DOK1: variants seen among roughly 807,000 people sequenced by gnomAD.
DOK1 encodes Downstream of tyrosine kinase 1.
A neutral mutation model predicts 24.0 loss-of-function variants in DOK1; 12 were observed. The observed-to-expected ratio is 0.50, with a 90% CI of 0.32 to 0.81. DOK1 has a LOEUF of 0.81. Among genes scored for constraint, DOK1 ranks in the 30% least tolerant of loss-of-function variants. DOK1 has a pLI of 0.03. For synonymous variants in DOK1, 250 were observed against 260.9 expected (o/e 0.96, Z 0.40); for missense variants, 591 against 620.7 (o/e 0.95, Z 0.51).
At chr2:74,553,346 C>T (rs1209861632), upstream of DOK1, among the ~76,000 whole-genome samples, 1 of 152,216 alleles carries the variant, frequency 6.6e-6, no homozygotes, top group Non-Finnish European at 1.5e-5. Context: ...TGCACGCCCT[C>T]CCCAACACGC....
upstream of DOK1, among the ~76,000 whole-genome samples, chr2:74,551,989 C>G (rs1182706142): frequency 1.3e-5 from 2 of 152,264 alleles, no homozygotes; most frequent in Non-Finnish European, 2.9e-5. Flanking sequence ...TCCCATGAGA[C>G]TAACTGTACT....
Position 74,555,263 on chromosome 2 carries a change from C to T in DOK1, c.170C>T (p.Ser57Leu), listed in dbSNP as rs1677351165. 6.2e-7 allele frequency: 1 copy of T among 1,613,958 alleles called. No individual in the cohort carries two copies. Among genetic ancestry groups the T allele is most frequent in the South Asian group, 1.1e-5 (1 of 91,090 alleles). The change falls in exon 2 of 5, where the codon TCG (serine) becomes TTG (leucine). Residue 57 changes from serine (S) to leucine (L), a missense_variant. Physicochemically the swap from Ser to Leu is moderately radical, Grantham distance 145. Transcript: ENST00000233668. This position sits in a 1 kb window ranked among gnomAD's most constrained non-coding sequence, Gnocchi z 6.1. ...GSSSGGGRGSSRRLDCKVIRL... is the reference protein window; with the variant it reads ...GSSSGGGRGSLRRLDCKVIRL... ...AGCTCTGGGGGTGGCCGAGGGAGCT[C>T]GCGCCGCCTGGACTGCAAAGTGATC...
chr2:74,550,254 G>A (rs765045744), upstream of DOK1: 8 of 1,614,156 alleles, frequency 5.0e-6, no homozygotes, highest in South Asian at 4.4e-5. Flanking sequence ...CATCCTCATC[G>A]TGCGTACAGT....
chr2:74,557,173 A>G lies in DOK1; in HGVS notation c.*59A>G. ...CCATGGGGAGGTGGCACTAGGGATC[A>G]AAGAAGATGGTTAGAACCAGCAGAA... is the stretch of plus-strand genomic sequence containing the variant. On this transcript the variant is annotated 3_prime_UTR_variant, in exon 5 of 5. Coordinates refer to ENST00000233668, the MANE Select transcript of DOK1 (RefSeq NM_001381.5). The G allele has an allele frequency of 6.5e-7, 1 of 1,528,174 alleles. No homozygotes were observed. The highest frequency in any genetic ancestry group is 8.8e-7 in the Non-Finnish European group (1 of 1,130,108). The allele number at this position is 1,528,174 out of a possible 1,614,324, so 94.7% of individuals were successfully genotyped here.
Position 74,555,853 on chromosome 2 carries a change from C to A in DOK1, c.455-41C>A. 1 of 1,585,754 alleles carries A rather than the reference C, an allele frequency of 6.3e-7. No individual in the cohort carries two copies. The highest frequency in any genetic ancestry group is 8.6e-7 in the Non-Finnish European group (1 of 1,164,732). ...TCCTCTGGGTCCCCACTGCTGCCCC[C>A]GTCCCTCCCCCGCAGCTGTCTAATC... On this transcript the variant is annotated intron_variant, in intron 3 of 4. Transcript: ENST00000233668. The surrounding 1 kb of genome is among the most constrained non-coding windows in gnomAD (Gnocchi z 6.1).
Position 74,555,186 on chromosome 2 carries a change from G to A in DOK1, c.93G>A (p.Pro31=), listed in dbSNP as rs201401326. 1.4e-5 allele frequency: 23 copies of A among 1,613,222 alleles called. No individual in the cohort carries two copies. The highest frequency in any genetic ancestry group is 8.5e-6 in the Non-Finnish European group (10 of 1,179,960). Residue 31 remains proline, a synonymous_variant, in exon 2 of 5, where the codon CCG becomes CCA. Coordinates refer to ENST00000233668, the MANE Select transcript of DOK1 (RefSeq NM_001381.5). This position sits in a 1 kb window ranked among gnomAD's most constrained non-coding sequence, Gnocchi z 6.1. ...RWRKTWAVLY[P]ASPHGVARLE... ...GGAAGACCTGGGCCGTGCTCTACCC[G>A]GCCAGTCCCCACGGCGTAGCGCGGC...
Position 74,549,623 on chromosome 2 carries a change from C to T in DOK1, c.-358+451C>T, listed in dbSNP as rs1676865106. The T allele has an allele frequency of 1.3e-6, 2 of 1,577,026 alleles. No individual in the cohort carries two copies. Among genetic ancestry groups the T allele is most frequent in the Non-Finnish European group, 1.7e-6 (2 of 1,156,300 alleles). Reference sequence around the variant, plus strand: ...ACAAGCAGGGAAAGAATCCCAGTGGCACCTTTCATGTGTCCCGCCGCCCTT... The same window carrying T: ...ACAAGCAGGGAAAGAATCCCAGTGGTACCTTTCATGTGTCCCGCCGCCCTT... On this transcript the variant is annotated intron_variant, in intron 1 of 4. Coordinates refer to the DOK1 transcript ENST00000409429. The surrounding 1 kb of genome is among the most constrained non-coding windows in gnomAD (Gnocchi z 5.3).
upstream of DOK1, among the ~76,000 whole-genome samples, chr2:74,551,446 C>T (rs770445057): frequency 3.3e-5 from 5 of 152,248 alleles, no homozygotes; most frequent in Non-Finnish European, 5.9e-5. Flanking sequence ...CTGATTCATT[C>T]CTTTGGTGCC....
rs775730383 is a variant in DOK1, at chr2:74,549,615, C to T, written c.-358+443C>T. The T allele has an allele frequency of 1.5e-5, 23 of 1,582,376 alleles. No homozygotes were observed. In the South Asian group the frequency reaches 1.7e-4, roughly 12 times the overall value. On this transcript the variant is annotated intron_variant, in intron 1 of 4. Transcript: ENST00000409429. This position sits in a 1 kb window ranked among gnomAD's most constrained non-coding sequence, Gnocchi z 5.3. ...GCGGGGCCACAAGCAGGGAAAGAAT[C>T]CCAGTGGCACCTTTCATGTGTCCCG...
Position 74,555,507 on chromosome 2 carries a change from G to T in DOK1, c.360+54G>T. ...GGCAGTTACAGAGGCAGAGAAATGG[G>T]GCTGCCTCAGACCGACCCCCGCTCC... On this transcript the variant is annotated intron_variant, in intron 2 of 4. Transcript: ENST00000233668. This position sits in a 1 kb window ranked among gnomAD's most constrained non-coding sequence, Gnocchi z 6.1. 6.2e-7 allele frequency: 1 copy of T among 1,611,360 alleles called. No individual in the cohort carries two copies. The highest frequency in any genetic ancestry group is 8.5e-7 in the Non-Finnish European group (1 of 1,179,102).
At position 74,555,496 on chromosome 2, in the gene DOK1, C is replaced by A; in HGVS notation, c.360+43C>A. On this transcript the variant is annotated intron_variant, in intron 2 of 4. Transcript: ENST00000233668. This position sits in a 1 kb window ranked among gnomAD's most constrained non-coding sequence, Gnocchi z 6.1. ...TGCGGGGTGGGGGCAGTTACAGAGGCAGAGAAATGGGGCTGCCTCAGACCG... is the reference window on the plus strand; with the variant it reads ...TGCGGGGTGGGGGCAGTTACAGAGGAAGAGAAATGGGGCTGCCTCAGACCG... 1 of 1,610,330 alleles carries A rather than the reference C, an allele frequency of 6.2e-7. No individual in the cohort carries two copies.
Position 74,556,189 on chromosome 2 carries a change from G to T in DOK1, c.639+111G>T. The T allele has an allele frequency of 6.5e-7, 1 of 1,530,832 alleles. No individual in the cohort carries two copies. Among genetic ancestry groups the T allele is most frequent in the Middle Eastern group, 1.8e-4 (1 of 5,646 alleles). The allele number at this position is 1,530,832 out of a possible 1,614,324, so 94.8% of individuals were successfully genotyped here. A position where few individuals can be genotyped will look rare whatever the true frequency, so the allele number is the denominator to read the frequency against. On this transcript the variant is annotated intron_variant, in intron 4 of 4. Coordinates refer to ENST00000233668, the MANE Select transcript of DOK1 (RefSeq NM_001381.5). The surrounding 1 kb of genome is among the most constrained non-coding windows in gnomAD (Gnocchi z 4.1). ...TGGATCCCCCTTTCTTGCCTACCCG[G>T]TGACCCCGCGTCTGTTCGCAGGTGG...
At chr2:74,552,739 G>T, upstream of DOK1, 1 of 1,111,404 alleles carries the variant, frequency 9.0e-7, no homozygotes, top group South Asian at 1.6e-5. Context: ...AAGAAAAACA[G>T]ACACTGAGTA....
upstream of DOK1, chr2:74,554,548 G>A (rs545634407): frequency 6.9e-6 from 4 of 582,004 alleles, no homozygotes; most frequent in South Asian, 8.3e-5. The surrounding 1 kb of genome is among the most constrained non-coding windows in gnomAD (Gnocchi z 4.9). Context: ...ACGACGGCGG[G>A]TAGGGGCCTG....
upstream of DOK1, among the ~76,000 whole-genome samples, chr2:74,553,240 T>C (rs1396081440): frequency 1.3e-5 from 2 of 152,154 alleles, no homozygotes; most frequent in Admixed American, 1.3e-4. Context: ...TAGGCGGCCC[T>C]GGGATCACAG....
chr2:74,555,228 T>A lies in DOK1; in HGVS notation c.135T>A (p.His45Gln). 6.2e-7 allele frequency: 1 copy of A among 1,613,706 alleles called. No individual in the cohort carries two copies. The highest frequency in any genetic ancestry group is 8.5e-7 in the Non-Finnish European group (1 of 1,180,010). The stretch of plus-strand genomic sequence containing the variant: ...TAGCGCGGCTCGAGTTCTTTGACCA[T>A]AAGGGGTCGAGCTCTGGGGGTGGCC... ...HGVARLEFFDHKGSSSGGGRG... is the reference protein window; with the variant it reads ...HGVARLEFFDQKGSSSGGGRG... Residue 45 changes from histidine (H) to glutamine (Q), a missense_variant, in exon 2 of 5, where the codon CAT (histidine) becomes CAA (glutamine). Coordinates refer to ENST00000233668, the MANE Select transcript of DOK1 (RefSeq NM_001381.5). The surrounding 1 kb of genome is among the most constrained non-coding windows in gnomAD (Gnocchi z 6.1).
In DOK1 at chr2:74,554,743, C is replaced by T; in HGVS notation, c.-12C>T. The T allele has an allele frequency of 1.2e-6, 2 of 1,612,982 alleles. No individual in the cohort carries two copies. The highest frequency in any genetic ancestry group is 1.7e-6 in the Non-Finnish European group (2 of 1,179,800). On this transcript the variant is annotated 5_prime_UTR_variant, in exon 1 of 5. Coordinates refer to ENST00000233668, the MANE Select transcript of DOK1 (RefSeq NM_001381.5). This position sits in a 1 kb window ranked among gnomAD's most constrained non-coding sequence, Gnocchi z 4.9. ...GCAGGGCCAGGAAGCGCGGAAGGAA[C>T]CGCCGGGGGCCATGGACGGAGCAGT...
At chr2:74,550,044 T>G, upstream of DOK1, 4 of 1,473,326 alleles carry the variant, frequency 2.7e-6, no homozygotes, top group Non-Finnish European at 3.6e-6. Context: ...ATCTGGGAGC[T>G]CTATCATTTG....
upstream of DOK1, chr2:74,553,198 A>G (rs1213906416): frequency 6.5e-6 from 1 of 152,908 alleles, no homozygotes; most frequent in East Asian, 1.9e-4. Context: ...AGACAGCTGT[A>G]CTGATTGTGC....
Sources: gnomAD v4.1 joint callset for allele counts (sites outside exome capture counted in the v4.1 genomes callset) on GRCh38, gnomAD v4.1.1 for gene constraint, Gnocchi (gnomAD v3.1) non-coding constraint, MANE v1.5 for transcripts, NCBI Gene and HGNC (gene_info 2026-07-23, HGNC 2026-07-21) for gene names.